Variants in LRP4 observed in about 807,000 individuals in gnomAD.
LRP4 encodes the protein low-density lipoprotein receptor-related protein 4.
Under a neutral mutation model 220.3 loss-of-function variants are expected in LRP4, and 95 were observed. The ratio of observed to expected loss-of-function variants is 0.43; its 90% CI spans 0.37 to 0.51. LRP4 has a LOEUF of 0.51. Among genes scored for constraint, LRP4 ranks in the 20% least tolerant of loss-of-function variants. LRP4 has a pLI of 0.00. For missense variants in LRP4, 1,925 were observed against 2,567.0 expected (o/e 0.75, Z 5.40); for synonymous variants, 903 against 954.6 (o/e 0.95, Z 1.00).
At chr11:46,872,186 G>A (rs1396218391) in intron 30 of LRP4, among the ~76,000 whole-genome samples, 1 of 152,194 alleles carries the variant, frequency 6.6e-6, no homozygotes, top group Admixed American at 6.5e-5. Flanking sequence ...AACCCAGGAG[G>A]CGGAGGTTGC....
At chr11:46,889,923 A>C (rs762384714) in intron 15 of LRP4, 21 bp downstream of exon 15, 1 of 1,614,124 alleles carries the variant, frequency 6.2e-7, no homozygotes, top group Admixed American at 1.7e-5. Context: ...ACTTTGGCTC[A>C]CCCGGTGGGC....
intron 36 of LRP4, 23 bp from the exon 37 acceptor site, chr11:46,862,770 A>T: frequency 6.2e-7 from 1 of 1,612,444 alleles, no homozygotes; most frequent in South Asian, 1.1e-5. Flanking sequence ...AGGTGATGAG[A>T]AATTAGTCGA....
intron 23 of LRP4, 70 bp from the exon 24 acceptor site, chr11:46,876,900 G>T: frequency 1.6e-6 from 2 of 1,221,654 alleles, no homozygotes; most frequent in Non-Finnish European, 1.2e-6. Context: ...GCTGATTCAT[G>T]TCTTGAAACA....
In LRP4 at chr11:46,870,448, A is replaced by G. The variant is rs187000034; in HGVS notation, c.4692+1077T>C. ...TTTCTCTGACTCTCCTCTCTGAGAT[A>G]GCATCTTGCTCTGTTGCCCAAGTTG... On this transcript the variant is annotated intron_variant, in intron 31 of 37. Transcript: ENST00000378623. Among the ~76,000 whole-genome samples the G allele has an allele frequency of 4.5e-3, 684 of 152,130 alleles. 6 individuals are homozygous for G. The highest frequency in any genetic ancestry group is 6.8e-3 in the Middle Eastern group (2 of 294).
intron 18 of LRP4, 51 bp from the exon 19 acceptor site, chr11:46,884,027 T>G (rs1458068649): frequency 7.0e-7 from 1 of 1,429,398 alleles, no homozygotes; most frequent in South Asian, 1.1e-5. Context: ...ATTCACCCTC[T>G]TACCTTCCAT....
Position 46,873,451 on chromosome 11 carries a change from C to T in LRP4, c.4372G>A (p.Asp1458Asn). ...ATCAGTACTTTGCGGCAGGAACCAT[C>T]CAGCCTGGACGCCTCAATGGTATTT... ...GRNTIEASRLDGSCRKVLINN... is the reference protein window; with the variant it reads ...GRNTIEASRLNGSCRKVLINN... Residue 1458 changes from aspartate (D) to asparagine (N), a missense_variant, in exon 29 of 38, where the codon GAT (aspartate) becomes AAT (asparagine). Physicochemically the swap from Asp to Asn is conservative, Grantham distance 23. Around this residue, in one of 3 missense-constraint regions of LRP4, gnomAD observed 1,244 missense variants for 1,624.9 expected, o/e 0.77. Coordinates refer to ENST00000378623, the MANE Select transcript of LRP4 (RefSeq NM_002334.4). This position sits in a 1 kb window ranked among gnomAD's most constrained non-coding sequence, Gnocchi z 4.2. 6.2e-7 allele frequency: 1 copy of T among 1,614,230 alleles called. No homozygotes were observed. The highest frequency in any genetic ancestry group is 8.5e-7 in the Non-Finnish European group (1 of 1,180,054).
At chr11:46,872,211 G>A (rs1428139195) in intron 30 of LRP4, among the ~76,000 whole-genome samples, 1 of 152,212 alleles carries the variant, frequency 6.6e-6, no homozygotes, top group Non-Finnish European at 1.5e-5. Context: ...AGCCGAGATC[G>A]TGCGACTGCA....
At chr11:46,901,045 C>T (rs61898531) in intron 2 of LRP4, among the ~76,000 whole-genome samples, 9,135 of 152,286 alleles carry the variant, frequency 0.06, 353 homozygotes, top group Non-Finnish European at 0.089. Context: ...ATCCACCTGC[C>T]TTGGCCTCCC....
chr11:46,871,118 T>G (rs1241199513), intron 31 of LRP4, among the ~76,000 whole-genome samples: 1 of 152,206 alleles, frequency 6.6e-6, no homozygotes, highest in Non-Finnish European at 1.5e-5. Context: ...CTGTTGCCAC[T>G]AAGTGAGCTC....
rs144613976 is a variant in LRP4, at chr11:46,873,939, A to T, written c.4230-346T>A. 1.6e-5 allele frequency: 5 copies of T among 308,262 alleles called. No individual in the cohort carries two copies. The highest frequency in any genetic ancestry group is 1.4e-4 in the Admixed American group (3 of 22,172). The allele number at this position is 308,262 out of a possible 1,614,324, so 19.1% of individuals were successfully genotyped here. On this transcript the variant is annotated intron_variant, in intron 28 of 37. Coordinates refer to ENST00000378623, the MANE Select transcript of LRP4 (RefSeq NM_002334.4). The surrounding 1 kb of genome is among the most constrained non-coding windows in gnomAD (Gnocchi z 4.2). Reference sequence around the variant, plus strand: ...GATGATAAGAAACGCAGATTTGTCAAAACCAACCTGTGCATTTTTTAAAAG... The same window carrying T: ...GATGATAAGAAACGCAGATTTGTCATAACCAACCTGTGCATTTTTTAAAAG...
chr11:46,860,974 GA>G, intron 37 of LRP4: 1 of 985,052 alleles, frequency 1.0e-6, no homozygotes, highest in Non-Finnish European at 1.2e-6. Flanking sequence ...AAGACTATCA[GA>G]GGGGTGAAAG....
At chr11:46,883,727 C>A (rs1009624971) in intron 19 of LRP4, 144 bp downstream of exon 19, 2 of 654,826 alleles carry the variant, frequency 3.1e-6, no homozygotes, top group Non-Finnish European at 5.3e-6. Flanking sequence ...GTCTTGGCAA[C>A]CAGCCTCTGG....
intron 10 of LRP4, 108 bp downstream of exon 10, chr11:46,895,776 C>T (rs972696753): frequency 8.0e-5 from 119 of 1,493,808 alleles, no homozygotes; most frequent in African/African-American, 1.4e-4. Flanking sequence ...ATTGTGAGGA[C>T]GAAATGAGGT....
intron 32 of LRP4, 101 bp downstream of exon 32, chr11:46,868,887 G>C: frequency 6.6e-7 from 1 of 1,509,044 alleles, no homozygotes; most frequent in Non-Finnish European, 9.2e-7. Flanking sequence ...GAACCAAGAA[G>C]CTCTCTTGTG....
In LRP4 at chr11:46,890,114, G is replaced by A. The variant is rs886048355; in HGVS notation, c.1922C>T (p.Pro641Leu). Reference protein sequence around the residue: ...HRKAVISQGLPHPFAITVFED... With the variant: ...HRKAVISQGLLHPFAITVFED... ...AAACACTGTGATGGCGAAGGGATGC[G>A]GGAGGCCTGGGGAAAGTCCAGGAAG... The change falls in exon 15 of 38, where the codon CCG (proline) becomes CTG (leucine). Residue 641 changes from proline (P) to leucine (L), a missense_variant. By Grantham distance (98) the Pro-to-Leu change is moderately conservative. Around this residue, in one of 3 missense-constraint regions of LRP4, gnomAD observed 269 missense variants for 436.7 expected, o/e 0.62. Coordinates refer to ENST00000378623, the MANE Select transcript of LRP4 (RefSeq NM_002334.4). This position sits in a 1 kb window ranked among gnomAD's most constrained non-coding sequence, Gnocchi z 5.3. 1.9e-6 allele frequency: 3 copies of A among 1,613,964 alleles called. No individual in the cohort carries two copies. Among genetic ancestry groups the A allele is most frequent in the East Asian group, 2.2e-5 (1 of 44,888 alleles).
chr11:46,875,815 C>G lies in LRP4; in HGVS notation c.3688G>C (p.Ala1230Pro). The G allele has an allele frequency of 1.9e-6, 3 of 1,614,104 alleles. No homozygotes were observed. The highest frequency in any genetic ancestry group is 1.7e-6 in the Non-Finnish European group (2 of 1,180,012). The change falls in exon 26 of 38, where the codon GCC becomes CCC. Residue 1230 changes from alanine to proline, a missense_variant. This residue lies in a region of LRP4 where 1,244 missense variants were observed against 1,624.9 expected (regional missense o/e 0.77). Transcript: ENST00000378623. The surrounding 1 kb of genome is among the most constrained non-coding windows in gnomAD (Gnocchi z 4.5). ...KASSQLLWAD[A>P]HTERIEAADL... is the part of the protein sequence containing the mutation. Reference sequence around the variant, plus strand: ...GACACGGCTCTCACCTCGGTGTGGGCATCGGCCCATAGCAGTTGGGAGCTG... The same window carrying G: ...GACACGGCTCTCACCTCGGTGTGGGGATCGGCCCATAGCAGTTGGGAGCTG...
chr11:46,862,314 A>G (rs1940578346), intron 37 of LRP4, among the ~76,000 whole-genome samples: 1 of 152,210 alleles, frequency 6.6e-6, no homozygotes, highest in African/African-American at 2.4e-5. Context: ...CTGGAGGGAA[A>G]GAACCTATAA....
At chr11:46,880,059 C>T (rs1941114815) in intron 20 of LRP4, among the ~76,000 whole-genome samples, 1 of 152,108 alleles carries the variant, frequency 6.6e-6, no homozygotes, top group Non-Finnish European at 1.5e-5. Flanking sequence ...GAGCTGAGAT[C>T]GCACCATTGC....
chr11:46,894,665 G>C lies in LRP4; in HGVS notation c.1464C>G (p.Thr488=). The change falls in exon 12 of 38, where the codon ACC becomes ACG. Residue 488 remains threonine, a synonymous_variant. Transcript: ENST00000378623. ...GGTTGGCACGGAGGATCCGGTCCAG[G>C]GTGACATCTGACCAGAAGACAAGCT... is the stretch of plus-strand genomic sequence containing the variant. ...RRELVFWSDV[T]LDRILRANLN... 1 of 1,614,186 alleles carries C rather than the reference G, an allele frequency of 6.2e-7. No homozygotes were observed. Among genetic ancestry groups the C allele is most frequent in the Non-Finnish European group, 8.5e-7 (1 of 1,180,034 alleles).
Sources: gnomAD v4.1 joint callset for allele counts (sites outside exome capture counted in the v4.1 genomes callset) on GRCh38, gnomAD v4.1.1 for gene constraint, gnomAD v4.1.1 regional missense constraint, Gnocchi (gnomAD v3.1) non-coding constraint, MANE v1.5 for transcripts, NCBI Gene and HGNC (gene_info 2026-07-23, HGNC 2026-07-21) for gene names.